The following CDYL2 variants were observed in gnomAD, a reference collection of about 807,000 sequenced individuals.
The protein encoded by CDYL2 is chromodomain Y-like protein 2.
A neutral mutation model predicts 49.4 loss-of-function variants in CDYL2; 23 were observed. The ratio of observed to expected loss-of-function variants is 0.47; its 90% CI spans 0.34 to 0.66. The LOEUF is 0.66. Among genes scored for constraint, CDYL2 ranks in the 30% least tolerant of loss-of-function variants. CDYL2 has a pLI of 0.01. For synonymous variants in CDYL2, 360 were observed against 268.8 expected, an observed-to-expected ratio of 1.34 and a Z score of -3.32; for missense variants, 678 against 656.4, an observed-to-expected ratio of 1.03 and a Z score of -0.36.
chr16:80,704,881 G>T (rs1180113170), intron 1 of CDYL2, among the ~76,000 whole-genome samples: 1 of 152,186 alleles, frequency 6.6e-6, no homozygotes, highest in Non-Finnish European at 1.5e-5. Context: ...TAAGAACCCT[G>T]ATCTCATCCT....
rs147605371 is a variant in CDYL2, at chr16:80,707,062, C to G, written c.25-21933G>C. Among the ~76,000 whole-genome samples, 735 of 152,344 alleles carry G rather than the reference C, an allele frequency of 4.8e-3. 7 individuals carry two copies. The highest frequency in any genetic ancestry group is 0.016 in the African/African-American group (664 of 41,578). Reference sequence around the variant, plus strand: ...GCATGGGGGTGCAGTGAACACCCCACATCCAACTCCCTGCACCCAGAGCCT... The same window carrying G: ...GCATGGGGGTGCAGTGAACACCCCAGATCCAACTCCCTGCACCCAGAGCCT... On this transcript the variant is annotated intron_variant, in intron 1 of 6. Coordinates refer to ENST00000570137, the MANE Select transcript of CDYL2 (RefSeq NM_152342.4).
chr16:80,782,847 C>A (rs902363211), intron 1 of CDYL2, among the ~76,000 whole-genome samples: 1 of 152,074 alleles, frequency 6.6e-6, no homozygotes, highest in Non-Finnish European at 1.5e-5. Context: ...AAATGAAACT[C>A]TCTTAACATC....
chr16:80,779,689 A>T (rs1471916198), intron 1 of CDYL2, among the ~76,000 whole-genome samples: 1 of 152,166 alleles, frequency 6.6e-6, no homozygotes, highest in African/African-American at 2.4e-5. Context: ...AACACTATTA[A>T]ATGAAGTAAG....
At chr16:80,763,094 G>A (rs546929376) in intron 1 of CDYL2, among the ~76,000 whole-genome samples, 110 of 152,222 alleles carry the variant, frequency 7.2e-4, no homozygotes, top group African/African-American at 2.4e-3. Flanking sequence ...CTTGAGCCCA[G>A]GAGGTTGAGG....
chr16:80,635,724 A>T lies in CDYL2; in HGVS notation c.617-2488T>A, dbSNP rs538838786. Among the ~76,000 whole-genome samples, 7 of 152,366 alleles carry T rather than the reference A, an allele frequency of 4.6e-5. No individual in the cohort carries two copies. The East Asian group carries it at 1.3e-3, about 29-fold the overall frequency. On this transcript the variant is annotated intron_variant, in intron 2 of 6. Coordinates refer to ENST00000570137, the MANE Select transcript of CDYL2 (RefSeq NM_152342.4). Reference sequence around the variant, plus strand: ...ATTAGAAAAAATTACTTTAAATTTCATATGGAGCCAAAAAAGAGTCTGTAT... The same window carrying T: ...ATTAGAAAAAATTACTTTAAATTTCTTATGGAGCCAAAAAAGAGTCTGTAT...
chr16:80,689,439 C>CG (rs1910325551), intron 1 of CDYL2, among the ~76,000 whole-genome samples: 1 of 152,206 alleles, frequency 6.6e-6, no homozygotes, highest in Non-Finnish European at 1.5e-5. Context: ...ACATCATTCT[C>CG]ATTTGACAGG....
intron 1 of CDYL2, among the ~76,000 whole-genome samples, chr16:80,707,319 T>A (rs1368946254): frequency 6.6e-6 from 1 of 151,788 alleles, no homozygotes; most frequent in African/African-American, 2.4e-5. Flanking sequence ...TTAACATAAC[T>A]CATCCTGGGG....
At chr16:80,724,680 C>G (rs749639585) in intron 1 of CDYL2, among the ~76,000 whole-genome samples, 9 of 152,158 alleles carry the variant, frequency 5.9e-5, no homozygotes, top group Non-Finnish European at 8.8e-5. Context: ...GTACTAGGCC[C>G]ATGATACAAC....
chr16:80,659,571 A>T (rs1908957790), intron 2 of CDYL2, among the ~76,000 whole-genome samples: 1 of 152,086 alleles, frequency 6.6e-6, no homozygotes, highest in Non-Finnish European at 1.5e-5. Context: ...ACAGAAAAAG[A>T]ACAATTTGTA....
chr16:80,676,050 C>T (rs987725086), intron 2 of CDYL2, among the ~76,000 whole-genome samples: 3 of 152,084 alleles, frequency 2.0e-5, no homozygotes, highest in Admixed American at 2.0e-4. Context: ...CGGGGAGAAT[C>T]GATTCTCCCC....
chr16:80,704,102 T>C (rs1904327550), intron 1 of CDYL2, among the ~76,000 whole-genome samples: 2 of 152,166 alleles, frequency 1.3e-5, no homozygotes, highest in Admixed American at 1.3e-4. Flanking sequence ...AGGAGGTCAG[T>C]GAGGTACATT....
At chr16:80,652,996 A>G (rs530788751) in intron 2 of CDYL2, among the ~76,000 whole-genome samples, 23 of 152,220 alleles carry the variant, frequency 1.5e-4, no homozygotes, top group Non-Finnish European at 2.9e-4. Context: ...ACTAGGTGAA[A>G]CCTAAATAAA....
At chr16:80,789,910 A>G (rs1360849257) in intron 1 of CDYL2, among the ~76,000 whole-genome samples, 5 of 152,174 alleles carry the variant, frequency 3.3e-5, no homozygotes, top group African/African-American at 7.2e-5. Flanking sequence ...GGGACTCCAA[A>G]AGGAAAGAAG....
intron 1 of CDYL2, among the ~76,000 whole-genome samples, chr16:80,769,866 A>G (rs1167235114): frequency 6.6e-6 from 1 of 152,214 alleles, no homozygotes; most frequent in African/African-American, 2.4e-5. Flanking sequence ...TAAACTACAC[A>G]ACACGTATTC....
intron 1 of CDYL2, among the ~76,000 whole-genome samples, chr16:80,761,570 C>G (rs1470764758): frequency 6.6e-6 from 1 of 152,056 alleles, no homozygotes; most frequent in Non-Finnish European, 1.5e-5. Context: ...ATCAGAATCA[C>G]CTGCGGAGCC....
chr16:80,801,963 A>T (rs958288991), intron 1 of CDYL2, among the ~76,000 whole-genome samples: 4 of 152,218 alleles, frequency 2.6e-5, no homozygotes, highest in Non-Finnish European at 5.9e-5. Flanking sequence ...CTATGCAAAT[A>T]ATCAGCCATG....
rs28770910 is a variant in CDYL2 at position 80,729,795 on chromosome 16, A to T, written c.25-44666T>A. Among the ~76,000 whole-genome samples, 990 of 152,240 alleles carry T rather than the reference A, an allele frequency of 6.5e-3. 10 individuals are homozygous for T. The highest frequency in any genetic ancestry group is 0.023 in the African/African-American group (944 of 41,544). ...TCAAACTAGAACTCAGGATTAAGAA[A>T]CTCACTCAAAACCACTCAACTACAT... is the stretch of plus-strand genomic sequence containing the variant. On this transcript the variant is annotated intron_variant, in intron 1 of 6. Coordinates refer to ENST00000570137, the MANE Select transcript of CDYL2 (RefSeq NM_152342.4).
At chr16:80,632,903 C>T in intron 3 of CDYL2, 116 bp downstream of exon 3, 1 of 975,084 alleles carries the variant, frequency 1.0e-6, no homozygotes, top group Non-Finnish European at 1.6e-6. Flanking sequence ...AGTTTTTATG[C>T]ACGCTAGTTA....
chr16:80,736,107 C>T (rs528947883), intron 1 of CDYL2, among the ~76,000 whole-genome samples: 10 of 152,360 alleles, frequency 6.6e-5, no homozygotes, highest in Admixed American at 2.0e-4. Context: ...GCTGTCACAG[C>T]TGGCCACAGG....
Sources: gnomAD v4.1 joint callset for allele counts (sites outside exome capture counted in the v4.1 genomes callset) on GRCh38, gnomAD v4.1.1 for gene constraint, MANE v1.5 for transcripts, NCBI Gene and HGNC (gene_info 2026-07-23, HGNC 2026-07-21) for gene names.